PTPRG: variants seen among roughly 807,000 people sequenced by gnomAD.
PTPRG encodes receptor-type tyrosine-protein phosphatase gamma.
PTPRG carries 102 observed loss-of-function variants against 165.3 expected under a neutral mutation model. The observed-to-expected ratio is 0.62, with a 90% confidence interval of 0.53 to 0.73. The LOEUF is 0.73. PTPRG is among the 30% of genes least tolerant of loss of function. PTPRG has a pLI of 0.00. For synonymous variants in PTPRG, 675 were observed against 669.5 expected, an observed-to-expected ratio of 1.01 and a Z score of -0.13; for missense variants, 1,866 against 1,861.4, an observed-to-expected ratio of 1.00 and a Z score of -0.05.
In PTPRG at chr3:62,282,819, C is replaced by T; in HGVS notation, c.4005C>T (p.Val1335=). 1.2e-6 allele frequency: 2 copies of T among 1,611,826 alleles called. No individual in the cohort carries two copies. Among genetic ancestry groups the T allele is most frequent in the Non-Finnish European group, 1.7e-6 (2 of 1,178,522 alleles). ...PISSTFELIN[V]IKEEALTRDG... ...GTAGTACCTTTGAACTTATCAACGT[C>T]ATCAAGGAAGAGGCCTTAACAAGGG... Residue 1335 remains valine (V), a synonymous_variant, in exon 28 of 30, where the codon GTC becomes GTT. Coordinates refer to ENST00000474889, the MANE Select transcript of PTPRG (RefSeq NM_002841.4).
intron 1 of PTPRG, among the ~76,000 whole-genome samples, chr3:61,579,591 A>G (rs892102914): frequency 3.3e-5 from 5 of 152,244 alleles, no homozygotes; most frequent in African/African-American, 1.2e-4. Flanking sequence ...GCCCTGTATC[A>G]CGTAACTTGG....
intron 2 of PTPRG, among the ~76,000 whole-genome samples, chr3:61,808,169 A>G (rs2035471639): frequency 6.6e-6 from 1 of 152,208 alleles, no homozygotes; most frequent in Non-Finnish European, 1.5e-5. Flanking sequence ...ACCACATTTG[A>G]AGGAGACCTA....
chr3:62,120,757 AAAAG>A (rs1559531450), intron 5 of PTPRG, among the ~76,000 whole-genome samples: 1 of 151,876 alleles, frequency 6.6e-6, no homozygotes, highest in Non-Finnish European at 1.5e-5. Flanking sequence ...CAAAAAAAAA[AAAAG>A]AAAAAGATTG....
At chr3:62,137,523 C>G (rs1019488028) in intron 6 of PTPRG, among the ~76,000 whole-genome samples, 1 of 152,094 alleles carries the variant, frequency 6.6e-6, no homozygotes, top group African/African-American at 2.4e-5. Flanking sequence ...CCCTTTCTGT[C>G]GACCAGTGCT....
intron 16 of PTPRG, among the ~76,000 whole-genome samples, chr3:62,256,072 A>C (rs1240727446): frequency 1.3e-5 from 2 of 152,150 alleles, no homozygotes; most frequent in African/African-American, 4.8e-5. Flanking sequence ...GCTGTCTTCT[A>C]GCTCTGTGGG....
rs6787202 is a variant in PTPRG at position 62,069,700 on chromosome 3, G to A, written c.520-8463G>A. On this transcript the variant is annotated intron_variant, in intron 4 of 29. Coordinates refer to ENST00000474889, the MANE Select transcript of PTPRG (RefSeq NM_002841.4). ...CTCTCTCTCTCACACACAGACACAC[G>A]CACACACACACACACATGCACGCAC... 2.8e-3 allele frequency among the ~76,000 whole-genome samples: 316 copies of A among 113,224 alleles called. 6 individuals carry two copies. The highest frequency in any genetic ancestry group is 8.1e-3 in the African/African-American group (205 of 25,250). 74.3% of individuals were successfully genotyped at this position (113,224 alleles called of 152,430 possible).
intron 12 of PTPRG, among the ~76,000 whole-genome samples, chr3:62,218,608 C>T (rs776465191): frequency 6.6e-6 from 1 of 152,194 alleles, no homozygotes. Context: ...ACACCTTCAA[C>T]TGTATCTGTA....
In PTPRG at chr3:62,271,939, TA is replaced by T. The variant is rs992398901; in HGVS notation, c.3182+391del. 6.6e-6 allele frequency among the ~76,000 whole-genome samples: 1 copy of T among 151,568 alleles called. No individual in the cohort carries two copies. The highest frequency in any genetic ancestry group is 2.4e-5 in the African/African-American group (1 of 41,280). On this transcript the variant is annotated intron_variant, in intron 21 of 29. Transcript: ENST00000474889. The surrounding 1 kb of genome is among the most constrained non-coding windows in gnomAD (Gnocchi z 4.1). ...ACCCCATTTCTACAAAAATTAAAAA[TA>T]AAAAAATTAGCCAGCATGGTGGCAC...
At position 61,963,361 on chromosome 3, in the gene PTPRG, A is replaced by T. The variant is rs533609834; in HGVS notation, c.191-26264A>T. Among the ~76,000 whole-genome samples the T allele has an allele frequency of 3.6e-4, 55 of 152,322 alleles. 1 individual carries two copies. Among genetic ancestry groups the T allele is most frequent in the African/African-American group, 1.2e-3 (50 of 41,584 alleles). On this transcript the variant is annotated intron_variant, in intron 2 of 29. Transcript: ENST00000474889. ...ATTACCAGATACCTGGATTTGTAAC[A>T]AACCATGAACTGCAGTAAAAGATAT...
intron 1 of PTPRG, among the ~76,000 whole-genome samples, chr3:61,747,494 T>C (rs1329163116): frequency 6.6e-6 from 1 of 152,202 alleles, no homozygotes; most frequent in East Asian, 1.9e-4. Context: ...AGGTTTACTT[T>C]TTAGGCTTGT....
At chr3:61,940,906 C>T (rs145833528) in intron 2 of PTPRG, among the ~76,000 whole-genome samples, 18,016 of 151,994 alleles carry the variant, frequency 0.12, 1,152 homozygotes, top group South Asian at 0.16. Context: ...CCTCATGATC[C>T]GCCCGCCTCG....
At chr3:62,265,769 C>A (rs1017547320) in intron 17 of PTPRG, among the ~76,000 whole-genome samples, 1 of 151,920 alleles carries the variant, frequency 6.6e-6, no homozygotes, top group Middle Eastern at 3.4e-3. Context: ...ATTTCTCTAT[C>A]CAGATACACC....
At chr3:62,232,668 A>AC (rs1310364546) in intron 14 of PTPRG, among the ~76,000 whole-genome samples, 2 of 151,916 alleles carry the variant, frequency 1.3e-5, no homozygotes, top group East Asian at 3.9e-4. Context: ...ATGTACTTCG[A>AC]CCCCCACGTC....
At chr3:62,212,015 G>A (rs188440159) in intron 12 of PTPRG, among the ~76,000 whole-genome samples, 1 of 150,780 alleles carries the variant, frequency 6.6e-6, no homozygotes, top group Admixed American at 6.6e-5. Context: ...CTCAGATTCT[G>A]CTGGGTGCTG....
At chr3:62,291,644 G>C (rs750599991) in intron 28 of PTPRG, among the ~76,000 whole-genome samples, 16 of 152,014 alleles carry the variant, frequency 1.1e-4, no homozygotes, top group Non-Finnish European at 2.1e-4. Flanking sequence ...AAAAACAATG[G>C]GCACAGGGCA....
intron 2 of PTPRG, among the ~76,000 whole-genome samples, chr3:61,829,412 G>A (rs1379969034): frequency 6.6e-6 from 1 of 152,234 alleles, no homozygotes; most frequent in East Asian, 1.9e-4. Context: ...GGCCTCTGTC[G>A]AGGCGGGTGC....
At chr3:61,647,353 T>C (rs1466406612) in intron 1 of PTPRG, among the ~76,000 whole-genome samples, 1 of 152,178 alleles carries the variant, frequency 6.6e-6, no homozygotes, top group Non-Finnish European at 1.5e-5. Flanking sequence ...ACCATACACA[T>C]ACTATCTAAT....
At chr3:62,169,550 T>A (rs1470815196) in intron 8 of PTPRG, among the ~76,000 whole-genome samples, 1 of 151,784 alleles carries the variant, frequency 6.6e-6, no homozygotes, top group East Asian at 1.9e-4. Context: ...CCCTCACACC[T>A]CTCCTCTCAG....
intron 14 of PTPRG, among the ~76,000 whole-genome samples, chr3:62,241,360 C>T (rs189739935): frequency 5.7e-4 from 86 of 152,130 alleles, no homozygotes; most frequent in Admixed American, 1.1e-3. Flanking sequence ...AGTTAGTTGC[C>T]CACCCATATA....
Sources: allele counts gnomAD v4.1 joint callset (sites outside exome capture counted in the v4.1 genomes callset), GRCh38; gene constraint gnomAD v4.1.1; non-coding constraint Gnocchi (gnomAD v3.1); transcripts MANE v1.5; gene names NCBI Gene and HGNC (gene_info 2026-07-23, HGNC 2026-07-21).